Variants in CYP27C1 observed in about 807,000 individuals in gnomAD.
CYP27C1 encodes the protein cytochrome P450 family 27 subfamily C member 1.
Under a neutral mutation model 40.6 loss-of-function variants are expected in CYP27C1, and 29 were observed. The ratio of observed to expected loss-of-function variants is 0.71; its 90% CI spans 0.53 to 0.97. The LOEUF (loss-of-function observed/expected upper bound fraction) is 0.97. Among genes scored for constraint, CYP27C1 ranks in the 50% least tolerant of loss-of-function variants. The probability of loss-of-function intolerance (pLI) is 0.00; values close to 1 mark genes in which losing one functional copy is unlikely to be tolerated. For missense variants in CYP27C1, 390 were observed against 485.8 expected (o/e 0.80, Z 1.85); for synonymous variants, 198 against 186.8 (o/e 1.06, Z -0.49).
At chr2:127,204,547 GAGAGAGAGAGAA>G (rs1383678190) in intron 2 of CYP27C1, among the ~76,000 whole-genome samples, 52 of 64,844 alleles carry the variant, frequency 8.0e-4, no homozygotes, top group South Asian at 3.5e-3. Flanking sequence ...GAGAGAGAGA[GAGAGAGAGAGAA>G]AGAAAGAAAG....
rs1326502510 is a variant in CYP27C1, at chr2:127,200,848, A to C, written c.883+274T>G. 6.6e-6 allele frequency among the ~76,000 whole-genome samples: 1 copy of C among 152,164 alleles called. No homozygotes were observed. The highest frequency in any genetic ancestry group is 6.5e-5 in the Admixed American group (1 of 15,284). On this transcript the variant is annotated intron_variant, in intron 4 of 8. Transcript: ENST00000664447. This position sits in a 1 kb window ranked among gnomAD's most constrained non-coding sequence, Gnocchi z 4.2. ...CATGGTGGCAGGTGCCTGTAATCGC[A>C]GCTACTCAGGAGGCTGAGGCATGAT...
chr2:127,219,505 CACTCTCCGAAACTCCATCCCTG>C lies in CYP27C1; in HGVS notation c.282+462_282+483del, dbSNP rs1390392253. On this transcript the variant is annotated intron_variant, in intron 1 of 8. Transcript: ENST00000664447. This position sits in a 1 kb window ranked among gnomAD's most constrained non-coding sequence, Gnocchi z 8.7. ...CTGCCCGCCGCCTCTCTCGGGCTAC[CACTCTCCGAAACTCCATCCCTG>C]ACTCCCCTCCCCGCTACCTCCTCCC... Among the ~76,000 whole-genome samples the C allele has an allele frequency of 1.3e-5, 2 of 151,954 alleles. No homozygotes were observed. The highest frequency in any genetic ancestry group is 2.4e-5 in the African/African-American group (1 of 41,370).
In CYP27C1 at chr2:127,201,124, A is replaced by C. The variant is rs1174737508; in HGVS notation, c.881T>G (p.Phe294Cys). 6.2e-7 allele frequency: 1 copy of C among 1,612,486 alleles called. No homozygotes were observed. Among genetic ancestry groups the C allele is most frequent in the Non-Finnish European group, 8.5e-7 (1 of 1,179,792 alleles). ...FCRSWDGLFK[F>C]SQIHVDNKLR... ...GGTGCTCTCAATTCTTCTCTTACTGAATTTGAAGAGTCCATCCCAGGACCT... is the reference window on the plus strand; with the variant it reads ...GGTGCTCTCAATTCTTCTCTTACTGCATTTGAAGAGTCCATCCCAGGACCT... The change falls in exon 4 of 9, where the codon TTC becomes TGC. Residue 294 changes from phenylalanine to cysteine, a missense_variant and splice_region_variant. Coordinates refer to ENST00000664447, the MANE Select transcript of CYP27C1 (RefSeq NM_001367502.1). This position sits in a 1 kb window ranked among gnomAD's most constrained non-coding sequence, Gnocchi z 6.0.
intron 1 of CYP27C1, among the ~76,000 whole-genome samples, chr2:127,212,207 AGATGGATT>A (rs1375641016): frequency 6.6e-6 from 1 of 152,252 alleles, no homozygotes; most frequent in African/African-American, 2.4e-5. Flanking sequence ...GCCCAGGACT[AGATGGATT>A]CACAGCTGAA....
At chr2:127,217,933 C>A (rs1226003321) in intron 1 of CYP27C1, among the ~76,000 whole-genome samples, 1 of 152,148 alleles carries the variant, frequency 6.6e-6, no homozygotes, top group East Asian at 1.9e-4. Context: ...AGAGTCCCCA[C>A]AAGTACCATA....
chr2:127,204,476 GAAA>G lies in CYP27C1; in HGVS notation c.474-908_474-906del, dbSNP rs1558931020. Reference sequence around the variant, plus strand: ...AGAAAGAAAGAAAGAAAGAAAGAAAGAAAGAAAGAAAGGAAGGAAGGAAGGAAG... The same window carrying G: ...AGAAAGAAAGAAAGAAAGAAAGAAAGGAAAGAAAGGAAGGAAGGAAGGAAG... On this transcript the variant is annotated intron_variant, in intron 2 of 8. Coordinates refer to ENST00000664447, the MANE Select transcript of CYP27C1 (RefSeq NM_001367502.1). Among the ~76,000 whole-genome samples the G allele has an allele frequency of 1.0e-3, 69 of 66,058 alleles. 5 individuals carry two copies. Among genetic ancestry groups the G allele is most frequent in the African/African-American group, 3.5e-3 (63 of 17,992 alleles). The allele number at this position is 66,058 out of a possible 152,430, so 43.3% of individuals were successfully genotyped here.
At chr2:127,189,623 A>T (rs1200127478) in intron 8 of CYP27C1, among the ~76,000 whole-genome samples, 1 of 27,802 alleles carries the variant, frequency 3.6e-5, no homozygotes, top group Non-Finnish European at 7.5e-5. Flanking sequence ...AGTAAAATTA[A>T]AAAAAAAAAA....
rs1369311153 is a variant in CYP27C1 at position 127,209,256 on chromosome 2, C to A, written c.283-3166G>T. Among the ~76,000 whole-genome samples, 2 of 152,020 alleles carry A rather than the reference C, an allele frequency of 1.3e-5. No homozygotes were observed. Among genetic ancestry groups the A allele is most frequent in the African/African-American group, 4.8e-5 (2 of 41,356 alleles). ...GAACCCCCAGCAAACTGCAGCAGCCCTACAGAAGAGGGATTGACTATTGAA... is the reference window on the plus strand; with the variant it reads ...GAACCCCCAGCAAACTGCAGCAGCCATACAGAAGAGGGATTGACTATTGAA... On this transcript the variant is annotated intron_variant, in intron 1 of 8. Transcript: ENST00000664447. The surrounding 1 kb of genome is among the most constrained non-coding windows in gnomAD (Gnocchi z 4.1).
Position 127,218,023 on chromosome 2 carries a change from T to C in CYP27C1, c.282+1966A>G, listed in dbSNP as rs905416389. ...TATTTCTTTTACTCTCCAGGTCCTGTGTGCGCTTGGTGAGAAGGCAGCAAG... is the reference window on the plus strand; with the variant it reads ...TATTTCTTTTACTCTCCAGGTCCTGCGTGCGCTTGGTGAGAAGGCAGCAAG... On this transcript the variant is annotated intron_variant, in intron 1 of 8. Transcript: ENST00000664447. The surrounding 1 kb of genome is among the most constrained non-coding windows in gnomAD (Gnocchi z 6.0). Among the ~76,000 whole-genome samples, 5 of 152,172 alleles carry C rather than the reference T, an allele frequency of 3.3e-5. No homozygotes were observed. The highest frequency in any genetic ancestry group is 1.2e-4 in the African/African-American group (5 of 41,436).
At chr2:127,202,127 G>A (rs1195822403) in intron 3 of CYP27C1, among the ~76,000 whole-genome samples, 1 of 148,022 alleles carries the variant, frequency 6.8e-6, no homozygotes, top group Non-Finnish European at 1.5e-5. Context: ...AGACCAACAT[G>A]CTTTTTTTTT....
At position 127,208,414 on chromosome 2, in the gene CYP27C1, A is replaced by C. The variant is rs1683273972; in HGVS notation, c.283-2324T>G. On this transcript the variant is annotated intron_variant, in intron 1 of 8. Coordinates refer to ENST00000664447, the MANE Select transcript of CYP27C1 (RefSeq NM_001367502.1). This position sits in a 1 kb window ranked among gnomAD's most constrained non-coding sequence, Gnocchi z 5.2. ...CCCACTCTCGAACCCATGCCACCAGAGCCAAGCATCCCAACCCTGGTATGC... is the reference window on the plus strand; with the variant it reads ...CCCACTCTCGAACCCATGCCACCAGCGCCAAGCATCCCAACCCTGGTATGC... Among the ~76,000 whole-genome samples, 1 of 152,220 alleles carries C rather than the reference A, an allele frequency of 6.6e-6. No homozygotes were observed. The highest frequency in any genetic ancestry group is 1.5e-5 in the Non-Finnish European group (1 of 68,038).
At chr2:127,217,254 TTGAATC>T (rs1683447598) in intron 1 of CYP27C1, among the ~76,000 whole-genome samples, 1 of 152,224 alleles carries the variant, frequency 6.6e-6, no homozygotes, top group African/African-American at 2.4e-5. Flanking sequence ...ACTCTGGAGT[TTGAATC>T]TGGGCTCACA....
At chr2:127,214,673 G>T (rs532794194) in intron 1 of CYP27C1, among the ~76,000 whole-genome samples, 1 of 152,062 alleles carries the variant, frequency 6.6e-6, no homozygotes, top group African/African-American at 2.4e-5. Context: ...CTGCTGGGGT[G>T]GGGGTTGAGG....
At chr2:127,197,664 G>C (rs941109908) in intron 5 of CYP27C1, among the ~76,000 whole-genome samples, 4 of 152,152 alleles carry the variant, frequency 2.6e-5, no homozygotes, top group African/African-American at 9.7e-5. Flanking sequence ...CCAGCCCGCA[G>C]CTTCCCCAGT....
chr2:127,211,508 G>A (rs1201949872), intron 1 of CYP27C1, among the ~76,000 whole-genome samples: 1 of 149,370 alleles, frequency 6.7e-6, no homozygotes, highest in Admixed American at 6.7e-5. Flanking sequence ...TCAACCTCCC[G>A]AGTAGCTGGG....
At chr2:127,198,343 T>C (rs1331163416) in intron 5 of CYP27C1, among the ~76,000 whole-genome samples, 1 of 152,216 alleles carries the variant, frequency 6.6e-6, no homozygotes. Context: ...GCTTTATAAA[T>C]AAATTCCATG....
chr2:127,210,065 C>G (rs1287775807), intron 1 of CYP27C1, among the ~76,000 whole-genome samples: 2 of 152,170 alleles, frequency 1.3e-5, no homozygotes, highest in African/African-American at 4.8e-5. Flanking sequence ...ACATAGTCAT[C>G]AGATTCTTCA....
intron 2 of CYP27C1, among the ~76,000 whole-genome samples, chr2:127,204,602 A>AAGCAAGCAAGCAAGCAAGC (rs1558931515): frequency 3.0e-5 from 3 of 99,724 alleles, no homozygotes; most frequent in African/African-American, 1.3e-4. Flanking sequence ...AGAAAGAAAG[A>AAGCAAGCAAGCAAGCAAGC]AAGAAAGAAA....
chr2:127,202,842 G>A (rs967318670), intron 3 of CYP27C1, among the ~76,000 whole-genome samples: 9 of 152,100 alleles, frequency 5.9e-5, no homozygotes, highest in Admixed American at 1.3e-4. Flanking sequence ...TAAAAAGAGG[G>A]ATGGGGGTGT....
Sources: gnomAD v4.1 joint callset for allele counts (sites outside exome capture counted in the v4.1 genomes callset) on GRCh38, gnomAD v4.1.1 for gene constraint, Gnocchi (gnomAD v3.1) non-coding constraint, MANE v1.5 for transcripts, NCBI Gene and HGNC (gene_info 2026-07-23, HGNC 2026-07-21) for gene names.